The following XKR4 variants were observed in gnomAD, a reference collection of about 807,000 sequenced individuals.
XKR4 encodes the protein XK-related protein 4.
A neutral mutation model predicts 53.9 loss-of-function variants in XKR4; 12 were observed. That is an observed-to-expected ratio of 0.22 (90% CI 0.14 to 0.36). XKR4 has a LOEUF of 0.36. Ranked by LOEUF, XKR4 falls within the 10% of genes least tolerant of loss-of-function variation. The probability of loss-of-function intolerance (pLI) is 1.00; values close to 1 mark genes in which losing one functional copy is unlikely to be tolerated. For missense variants in XKR4, 799 were observed against 859.5 expected, an observed-to-expected ratio of 0.93 and a Z score of 0.88; for synonymous variants, 354 against 362.4, an observed-to-expected ratio of 0.98 and a Z score of 0.26.
intron 1 of XKR4, among the ~76,000 whole-genome samples, chr8:55,323,236 G>A (rs1416565380): frequency 6.6e-6 from 1 of 152,040 alleles, no homozygotes; most frequent in East Asian, 1.9e-4. Flanking sequence ...TTTTTTTGGT[G>A]TAGAGTTCTA....
intron 2 of XKR4, chr8:55,450,136 T>A: frequency 1.4e-6 from 1 of 690,048 alleles, no homozygotes; most frequent in South Asian, 1.4e-5. Flanking sequence ...CAGCTCTGTC[T>A]CCAACCTCTG....
chr8:55,496,556 A>G (rs1331963341), intron 2 of XKR4, among the ~76,000 whole-genome samples: 1 of 152,208 alleles, frequency 6.6e-6, no homozygotes, highest in East Asian at 1.9e-4. Flanking sequence ...TTCTCACATA[A>G]GTAATGGGTA....
chr8:55,253,919 C>T (rs1278262359), intron 1 of XKR4, among the ~76,000 whole-genome samples: 4 of 151,882 alleles, frequency 2.6e-5, no homozygotes, highest in East Asian at 1.9e-4. Context: ...CAGAGTTTCA[C>T]CACATTGCCC....
At chr8:55,281,787 T>C (rs1328642570) in intron 1 of XKR4, among the ~76,000 whole-genome samples, 1 of 152,238 alleles carries the variant, frequency 6.6e-6, no homozygotes, top group African/African-American at 2.4e-5. Flanking sequence ...GTATGATTTT[T>C]TCCCCCATAT....
At chr8:55,149,103 A>G (rs1816807848) in intron 1 of XKR4, among the ~76,000 whole-genome samples, 1 of 152,176 alleles carries the variant, frequency 6.6e-6, no homozygotes, top group Non-Finnish European at 1.5e-5. Context: ...CAAGTTTGTA[A>G]TGAATGTATT....
At chr8:55,201,827 C>A (rs1196164178) in intron 1 of XKR4, among the ~76,000 whole-genome samples, 3 of 152,144 alleles carry the variant, frequency 2.0e-5, no homozygotes, top group Non-Finnish European at 4.4e-5. Flanking sequence ...TTGTTGCCTA[C>A]AAAGTTGAGC....
intron 2 of XKR4, among the ~76,000 whole-genome samples, chr8:55,380,441 G>A (rs559742924): frequency 2.0e-5 from 3 of 152,320 alleles, no homozygotes; most frequent in South Asian, 4.1e-4. Flanking sequence ...CATTTTAAAT[G>A]TTGAAAGAGA....
chr8:55,353,620 T>C (rs1406717741), intron 1 of XKR4, among the ~76,000 whole-genome samples: 3 of 152,224 alleles, frequency 2.0e-5, no homozygotes, highest in Non-Finnish European at 4.4e-5. Context: ...AGGAAACTAA[T>C]ACAAACAGGT....
chr8:55,470,491 A>G (rs1420723036), intron 2 of XKR4, among the ~76,000 whole-genome samples: 2 of 152,114 alleles, frequency 1.3e-5, no homozygotes, highest in Non-Finnish European at 1.5e-5. Flanking sequence ...GCCACGTGAG[A>G]CATGTCACCA....
At chr8:55,343,391 C>T (rs531642484) in intron 1 of XKR4, among the ~76,000 whole-genome samples, 1 of 152,310 alleles carries the variant, frequency 6.6e-6, no homozygotes, top group African/African-American at 2.4e-5. Flanking sequence ...GAAACATTCC[C>T]ACCACAGGCA....
intron 2 of XKR4, among the ~76,000 whole-genome samples, chr8:55,397,051 A>C (rs114334386): frequency 1.3e-3 from 192 of 152,362 alleles, no homozygotes; most frequent in African/African-American, 4.5e-3. Context: ...TTCAAAGATG[A>C]GTATTTCTCC....
Position 55,127,577 on chromosome 8 carries a change from T to TTA in XKR4, c.806+24283_806+24284insTA, listed in dbSNP as rs397706802. Among the ~76,000 whole-genome samples the TTA allele has an allele frequency of 5.3e-5, 8 of 150,600 alleles. No individual in the cohort carries two copies. The East Asian group carries it at 1.2e-3, about 22-fold the overall frequency. ...CTGGTGCCTAACTCTTTTTTTTTTT[T>TTA]AATTTTATTTTATTATTATTATACT... On this transcript the variant is annotated intron_variant, in intron 1 of 2. Coordinates refer to ENST00000327381, the MANE Select transcript of XKR4 (RefSeq NM_052898.2).
At chr8:55,115,951 G>A (rs1345692386) in intron 1 of XKR4, among the ~76,000 whole-genome samples, 1 of 152,192 alleles carries the variant, frequency 6.6e-6, no homozygotes, top group Non-Finnish European at 1.5e-5. Context: ...TGGTGAGAGA[G>A]GGACCAGGCC....
intron 1 of XKR4, among the ~76,000 whole-genome samples, chr8:55,271,041 A>G (rs1214111307): frequency 1.3e-5 from 2 of 152,166 alleles, no homozygotes; most frequent in Non-Finnish European, 2.9e-5. Flanking sequence ...AGAACGAAGA[A>G]CATGCATGTT....
intron 1 of XKR4, among the ~76,000 whole-genome samples, chr8:55,289,558 AAGGAAGGAAG>A (rs1563316309): frequency 3.9e-5 from 5 of 126,942 alleles, no homozygotes; most frequent in Admixed American, 8.4e-5. Context: ...GGAAGGAAGG[AAGGAAGGAAG>A]GAGAGAGAAA....
In XKR4 at chr8:55,408,655, C is replaced by T. The variant is rs188893961; in HGVS notation, c.1006+50778C>T. 3.0e-4 allele frequency among the ~76,000 whole-genome samples: 45 copies of T among 152,232 alleles called. No individual in the cohort carries two copies. The East Asian group carries it at 6.8e-3, about 23-fold the overall frequency. On this transcript the variant is annotated intron_variant, in intron 2 of 2. Transcript: ENST00000327381. ...CTGGCAGGTGGCAAAGATTGGCAAC[C>T]AGGCAATGAGCAACCCAAGCTTGTA...
chr8:55,159,797 A>C (rs1230746700), intron 1 of XKR4, among the ~76,000 whole-genome samples: 1 of 152,242 alleles, frequency 6.6e-6, no homozygotes, highest in East Asian at 1.9e-4. Context: ...AATGAGATCT[A>C]GAGCACAGAG....
At chr8:55,405,332 C>T (rs1282379456) in intron 2 of XKR4, among the ~76,000 whole-genome samples, 1 of 152,222 alleles carries the variant, frequency 6.6e-6, no homozygotes, top group African/African-American at 2.4e-5. Context: ...CTGCTACCCA[C>T]ATTGGGATTT....
intron 1 of XKR4, among the ~76,000 whole-genome samples, chr8:55,106,155 T>C (rs1187556593): frequency 6.6e-6 from 1 of 152,226 alleles, no homozygotes; most frequent in African/African-American, 2.4e-5. Flanking sequence ...CTGCTTCTTG[T>C]GTTTCCATGA....
Sources: gnomAD v4.1 joint callset for allele counts (sites outside exome capture counted in the v4.1 genomes callset) on GRCh38, gnomAD v4.1.1 for gene constraint, MANE v1.5 for transcripts, NCBI Gene and HGNC (gene_info 2026-07-23, HGNC 2026-07-21) for gene names.